PCDHA12: variants seen among roughly 807,000 people sequenced by gnomAD.
PCDHA12 encodes the protein protocadherin alpha-12.
A neutral mutation model predicts 60.0 loss-of-function variants in PCDHA12; 44 were observed. The ratio of observed to expected loss-of-function variants is 0.73; its 90% confidence interval spans 0.58 to 0.94. The LOEUF is 0.94. Ranked by LOEUF, PCDHA12 falls within the 40% of genes least tolerant of loss-of-function variation. PCDHA12 has a pLI of 0.00. For synonymous variants in PCDHA12, 569 were observed against 553.0 expected (o/e 1.03, Z -0.40); for missense variants, 1,276 against 1,239.7 (o/e 1.03, Z -0.44).
chr5:140,987,799 A>C (rs2097268880), intron 3 of PCDHA12, among the ~76,000 whole-genome samples: 2 of 152,140 alleles, frequency 1.3e-5, no homozygotes, highest in South Asian at 4.1e-4. Flanking sequence ...GATTTTTTTA[A>C]AGTGCCTGTC....
intron 1 of PCDHA12, among the ~76,000 whole-genome samples, chr5:140,903,182 G>A (rs1030121963): frequency 1.3e-5 from 2 of 152,164 alleles, no homozygotes; most frequent in Non-Finnish European, 2.9e-5. Flanking sequence ...CCCACCAATA[G>A]TATAAAAGAG....
At chr5:140,960,785 A>C (rs1452809407) in intron 1 of PCDHA12, among the ~76,000 whole-genome samples, 2 of 152,200 alleles carry the variant, frequency 1.3e-5, no homozygotes, top group Admixed American at 1.3e-4. Context: ...AGGGCCAAAC[A>C]AGGTTTCTAT....
intron 1 of PCDHA12, chr5:140,929,120 A>G (rs781922658): frequency 6.2e-7 from 1 of 1,614,062 alleles, no homozygotes; most frequent in East Asian, 2.2e-5. Flanking sequence ...GCCACCATAG[A>G]TGTCACTACA....
intron 1 of PCDHA12, chr5:140,967,992 C>T: frequency 1.2e-6 from 2 of 1,614,250 alleles, no homozygotes; most frequent in Non-Finnish European, 1.7e-6. Flanking sequence ...GCCACACTGC[C>T]TTTCCGACTG....
At chr5:140,968,722 T>C (rs1379540261) in intron 1 of PCDHA12, 2 of 1,613,846 alleles carry the variant, frequency 1.2e-6, no homozygotes, top group Admixed American at 1.7e-5. Context: ...GAGATGAGAG[T>C]GGTAGCACTT....
Position 140,981,745 on chromosome 5 carries a change from T to C in PCDHA12, c.2427-730T>C, listed in dbSNP as rs145941614. On this transcript the variant is annotated intron_variant, in intron 2 of 3. Coordinates refer to ENST00000398631, the MANE Select transcript of PCDHA12 (RefSeq NM_018903.4). ...CAAATATTTGAGAGATTAATATGAG[T>C]TAGTATTAGACATACATAAATGAAT... Among the ~76,000 whole-genome samples the C allele has an allele frequency of 1.1e-3, 160 of 152,294 alleles. 1 individual carries two copies. The East Asian group carries it at 0.027, about 25-fold the overall frequency.
intron 1 of PCDHA12, among the ~76,000 whole-genome samples, chr5:140,908,023 A>G (rs797031285): frequency 5.9e-5 from 9 of 152,314 alleles, no homozygotes; most frequent in Admixed American, 2.6e-4. Context: ...GCTACAGCCC[A>G]TTAATCAGTA....
intron 1 of PCDHA12, among the ~76,000 whole-genome samples, chr5:140,949,692 T>A (rs1563239592): frequency 6.6e-6 from 1 of 151,854 alleles, no homozygotes; most frequent in Non-Finnish European, 1.5e-5. Flanking sequence ...AGCGTATTGT[T>A]GGATCTTGCT....
At chr5:140,935,363 C>T (rs1005942314) in intron 1 of PCDHA12, among the ~76,000 whole-genome samples, 3 of 152,180 alleles carry the variant, frequency 2.0e-5, no homozygotes, top group African/African-American at 7.2e-5. Flanking sequence ...TTTTCATTAA[C>T]GTCAACAGAA....
intron 1 of PCDHA12, chr5:140,926,694 G>T: frequency 4.0e-6 from 3 of 746,722 alleles, no homozygotes; most frequent in Non-Finnish European, 5.8e-6. Flanking sequence ...TAGCAAGCCC[G>T]GCTCCCAGCT....
intron 1 of PCDHA12, among the ~76,000 whole-genome samples, chr5:140,914,691 T>G (rs1300550753): frequency 6.6e-6 from 1 of 152,130 alleles, no homozygotes; most frequent in Non-Finnish European, 1.5e-5. Flanking sequence ...TTTTCTCTGG[T>G]GGTATGATTT....
rs184537292 is a variant in PCDHA12, at chr5:140,970,210, C to T, written c.2368-8739C>T. Among the ~76,000 whole-genome samples, 8 of 152,308 alleles carry T rather than the reference C, an allele frequency of 5.3e-5. No homozygotes were observed. The East Asian group carries it at 1.5e-3, about 29-fold the overall frequency. On this transcript the variant is annotated intron_variant, in intron 1 of 3. Transcript: ENST00000398631. Reference sequence around the variant, plus strand: ...TGTAAGAGGATTTCCCTGAATTTAGCTTAAATGCAGCCTGTAATCTTCTGA... The same window carrying T: ...TGTAAGAGGATTTCCCTGAATTTAGTTTAAATGCAGCCTGTAATCTTCTGA...
chr5:140,969,023 C>T lies in PCDHA12; in HGVS notation c.2368-9926C>T. ...CTTCTGTGGAGTAAGGGAAAGGTCC[C>T]CTGCAGAACTGTACAAACAAGCCAA... is the stretch of plus-strand genomic sequence containing the variant. On this transcript the variant is annotated intron_variant, in intron 1 of 3. Coordinates refer to ENST00000398631, the MANE Select transcript of PCDHA12 (RefSeq NM_018903.4). The T allele has an allele frequency of 3.1e-6, 5 of 1,614,124 alleles. No homozygotes were observed. In the Admixed American group the frequency reaches 5.0e-5, roughly 16 times the overall value.
Position 141,010,530 on chromosome 5 carries a change from A to T in PCDHA12, c.*593A>T, listed in dbSNP as rs188140091. 45 of 414,090 alleles carry T rather than the reference A, an allele frequency of 1.1e-4. No homozygotes were observed. In the Admixed American group the frequency reaches 1.6e-3, roughly 15 times the overall value. The allele number at this position is 414,090 out of a possible 1,614,324, so 25.7% of individuals were successfully genotyped here. On this transcript the variant is annotated 3_prime_UTR_variant, in exon 4 of 4. Coordinates refer to ENST00000398631, the MANE Select transcript of PCDHA12 (RefSeq NM_018903.4). ...TCTTACAACTCAAGAGGTGGCAGCC[A>T]CCCTCTAGGAGACAAAACTACCCCC... is the stretch of plus-strand genomic sequence containing the variant.
intron 1 of PCDHA12, among the ~76,000 whole-genome samples, chr5:140,978,595 G>A (rs2096811492): frequency 6.6e-6 from 1 of 152,214 alleles, no homozygotes; most frequent in African/African-American, 2.4e-5. Flanking sequence ...CCTTAATGGG[G>A]CACTTGAGGG....
chr5:140,979,145 G>A, intron 2 of PCDHA12, 138 bp downstream of exon 2: 1 of 1,447,220 alleles, frequency 6.9e-7, no homozygotes, highest in Non-Finnish European at 9.1e-7. Context: ...CAATTATTTT[G>A]TCCCCATGTT....
rs141394050 is a variant in PCDHA12 at position 140,948,629 on chromosome 5, T to C, written c.2368-30320T>C. 8.2e-3 allele frequency among the ~76,000 whole-genome samples: 1,244 copies of C among 151,828 alleles called. 11 individuals are homozygous for C. Among genetic ancestry groups the C allele is most frequent in the Non-Finnish European group, 0.013 (908 of 67,578 alleles). On this transcript the variant is annotated intron_variant, in intron 1 of 3. Transcript: ENST00000398631. ...TTTTGGCACAAAGTTGTTAATAATA[T>C]TCTCTCATCTTTTAACGTCTGTATA...
At chr5:140,883,105 C>T in intron 1 of PCDHA12, 1 of 1,614,056 alleles carries the variant, frequency 6.2e-7, no homozygotes, top group Non-Finnish European at 8.5e-7. Context: ...ATATAGTTTA[C>T]TCATTTAGAA....
At chr5:140,992,914 C>T (rs1383362253) in intron 3 of PCDHA12, among the ~76,000 whole-genome samples, 1 of 152,220 alleles carries the variant, frequency 6.6e-6, no homozygotes, top group African/African-American at 2.4e-5. Context: ...CTTAGGCCCT[C>T]TCCATACTTA....
Sources: allele counts gnomAD v4.1 joint callset (sites outside exome capture counted in the v4.1 genomes callset), GRCh38; gene constraint gnomAD v4.1.1; transcripts MANE v1.5; gene names NCBI Gene and HGNC (gene_info 2026-07-23, HGNC 2026-07-21).